Variants in SMPD3 observed in about 807,000 individuals in gnomAD.
SMPD3 encodes sphingomyelin phosphodiesterase 3, also known as nSMase-2.
Under a neutral mutation model 55.7 loss-of-function variants are expected in SMPD3, and 21 were observed. The observed-to-expected ratio is 0.38, with a 90% CI of 0.27 to 0.54. SMPD3 has a LOEUF of 0.54. SMPD3 is among the 20% of genes least tolerant of loss of function. The pLI, the probability that SMPD3 is intolerant of heterozygous loss-of-function variation, is 0.80. For missense variants in SMPD3, 842 were observed against 899.6 expected (o/e 0.94, Z 0.82); for synonymous variants, 457 against 404.3 (o/e 1.13, Z -1.56).
At chr16:68,428,192 C>A (rs991967009) in intron 1 of SMPD3, among the ~76,000 whole-genome samples, 2 of 152,122 alleles carry the variant, frequency 1.3e-5, no homozygotes, top group Non-Finnish European at 2.9e-5. Context: ...AGGCTAATGA[C>A]CCAAGATTTT....
chr16:68,399,598 C>T lies in SMPD3; in HGVS notation c.-268-12939G>A, dbSNP rs143927430. ...CACCCACAAAGAAGGAGCCTTGAGG[C>T]CCAGGCTCCCTAGAGGCAGCTGATG... On this transcript the variant is annotated intron_variant, in intron 1 of 8. Transcript: ENST00000219334. Among the ~76,000 whole-genome samples, 149 of 152,272 alleles carry T rather than the reference C, an allele frequency of 9.8e-4. 1 individual carries two copies. In the East Asian group the frequency reaches 0.026, roughly 26 times the overall value.
chr16:68,416,363 A>G (rs1040988861), intron 1 of SMPD3, among the ~76,000 whole-genome samples: 7 of 151,838 alleles, frequency 4.6e-5, no homozygotes, highest in Admixed American at 2.0e-4. Context: ...GGGGCCTCCG[A>G]CCCTGAGTTG....
At chr16:68,406,187 G>A (rs1395305579) in intron 1 of SMPD3, among the ~76,000 whole-genome samples, 1 of 152,024 alleles carries the variant, frequency 6.6e-6, no homozygotes, top group Non-Finnish European at 1.5e-5. Flanking sequence ...GAATAAAAGG[G>A]GGCTATCATG....
intron 1 of SMPD3, among the ~76,000 whole-genome samples, chr16:68,399,511 ACCCCTTCTAGGCCTGTGGGGT>A (rs1385133705): frequency 6.6e-6 from 1 of 152,050 alleles, no homozygotes; most frequent in Non-Finnish European, 1.5e-5. Context: ...GGAAGTAGGG[ACCCCTTCTAGGCCTGTGGGGT>A]CCCCTTCAAG....
chr16:68,438,566 C>T (rs561000848), intron 1 of SMPD3, among the ~76,000 whole-genome samples: 1 of 152,156 alleles, frequency 6.6e-6, no homozygotes, highest in Admixed American at 6.5e-5. Flanking sequence ...GTCTGACATT[C>T]AAGGCTTTCT....
intron 1 of SMPD3, among the ~76,000 whole-genome samples, chr16:68,437,504 G>T (rs2090532291): frequency 6.6e-6 from 1 of 152,212 alleles, no homozygotes; most frequent in Non-Finnish European, 1.5e-5. Context: ...TGGACAACTT[G>T]TCAAAATTGT....
chr16:68,370,821 C>G (rs1198104554), intron 3 of SMPD3, 38 bp downstream of exon 3: 1 of 1,607,770 alleles, frequency 6.2e-7, no homozygotes, highest in Non-Finnish European at 8.5e-7. Flanking sequence ...CTAGGACCAG[C>G]TGGCACGTGG....
chr16:68,432,581 AC>A (rs1023653465), intron 1 of SMPD3, among the ~76,000 whole-genome samples: 9 of 152,310 alleles, frequency 5.9e-5, no homozygotes, highest in Non-Finnish European at 1.2e-4. Flanking sequence ...TACTTGTTTT[AC>A]TGGTAGATTA....
intron 3 of SMPD3, among the ~76,000 whole-genome samples, chr16:68,367,007 CAAAAA>C (rs35797796): frequency 7.7e-6 from 1 of 129,508 alleles, no homozygotes; most frequent in South Asian, 2.6e-4. Flanking sequence ...GACTCTGTCT[CAAAAA>C]AAAAAAAAAA....
At chr16:68,362,111 G>C (rs1224001965) in intron 7 of SMPD3, among the ~76,000 whole-genome samples, 1 of 152,218 alleles carries the variant, frequency 6.6e-6, no homozygotes, top group African/African-American at 2.4e-5. Context: ...TGAGGAGCTT[G>C]GTCTTTGCCA....
intron 1 of SMPD3, among the ~76,000 whole-genome samples, chr16:68,402,565 C>A (rs1301806787): frequency 6.6e-6 from 1 of 152,078 alleles, no homozygotes; most frequent in African/African-American, 2.4e-5. Context: ...AGGCGCTGTG[C>A]CTGAATGTTC....
intron 3 of SMPD3, chr16:68,369,988 G>A (rs1267001473): frequency 1.3e-5 from 2 of 152,280 alleles, no homozygotes; most frequent in Non-Finnish European, 2.9e-5. Context: ...ACCCTAAAGG[G>A]ACAGAACCCA....
intron 3 of SMPD3, among the ~76,000 whole-genome samples, chr16:68,367,168 CAAAAT>C (rs752403325): frequency 7.9e-5 from 12 of 152,236 alleles, no homozygotes; most frequent in South Asian, 4.2e-4. Context: ...GAGACTGTCT[CAAAAT>C]AAATAAAAGA....
At chr16:68,387,333 A>C (rs557977723) in intron 1 of SMPD3, among the ~76,000 whole-genome samples, 1 of 151,960 alleles carries the variant, frequency 6.6e-6, no homozygotes, top group South Asian at 2.1e-4. Context: ...CTGGGAGGGA[A>C]CTCATGTGAA....
intron 3 of SMPD3, 31 bp from the exon 4 acceptor site, chr16:68,365,123 T>G (rs2089438480): frequency 6.2e-7 from 1 of 1,609,990 alleles, no homozygotes; most frequent in Non-Finnish European, 8.5e-7. Context: ...TGCTGCCACC[T>G]GCCAGTCACT....
intron 2 of SMPD3, among the ~76,000 whole-genome samples, chr16:68,378,049 G>T (rs1224684437): frequency 6.6e-6 from 1 of 152,208 alleles, no homozygotes; most frequent in African/African-American, 2.4e-5. Flanking sequence ...TCATGTGCTT[G>T]CTGACACTGC....
At chr16:68,370,820 G>C (rs748694943) in intron 3 of SMPD3, 39 bp downstream of exon 3, 3 of 1,607,512 alleles carry the variant, frequency 1.9e-6, no homozygotes, top group Non-Finnish European at 2.5e-6. Flanking sequence ...TCTAGGACCA[G>C]CTGGCACGTG....
chr16:68,440,172 G>T (rs1264415674), intron 1 of SMPD3, among the ~76,000 whole-genome samples: 2 of 152,200 alleles, frequency 1.3e-5, no homozygotes, highest in Admixed American at 1.3e-4. Flanking sequence ...AGGCACTGAA[G>T]ATTCTGAACA....
chr16:68,362,859 G>A (rs1427616292), intron 7 of SMPD3, among the ~76,000 whole-genome samples: 1 of 152,210 alleles, frequency 6.6e-6, no homozygotes, highest in African/African-American at 2.4e-5. Flanking sequence ...CTCAGCATAG[G>A]ATGATGTTTC....
Sources: gnomAD v4.1 joint callset for allele counts (sites outside exome capture counted in the v4.1 genomes callset) on GRCh38, gnomAD v4.1.1 for gene constraint, MANE v1.5 for transcripts, NCBI Gene and HGNC (gene_info 2026-07-23, HGNC 2026-07-21) for gene names.